Variants in CCDC197 observed in about 807,000 individuals in gnomAD.
CCDC197 encodes coiled-coil domain containing 197, also known as uncharacterized protein CCDC197.
In CCDC197, 24 loss-of-function variants were observed where a neutral mutation model predicts 13.4. The ratio of observed to expected loss-of-function variants is 1.80; its 90% CI spans 1.30 to 2.53. The LOEUF (loss-of-function observed/expected upper bound fraction) is 2.53. Among genes scored for constraint, CCDC197 ranks in the 30% most tolerant of loss-of-function variants. CCDC197 has a pLI of 0.00. For synonymous variants in CCDC197, 99 were observed against 55.5 expected (o/e 1.78, Z -3.48); for missense variants, 255 against 148.8 (o/e 1.71, Z -3.71).
At chr14:94,008,016 T>C (rs1289066063) in intron 6 of CCDC197, among the ~76,000 whole-genome samples, 2 of 152,240 alleles carry the variant, frequency 1.3e-5, no homozygotes, top group East Asian at 1.9e-4. Flanking sequence ...TTGGAACTTA[T>C]TCATATTGCA....
At chr14:94,005,022 C>T (rs981963995) in intron 6 of CCDC197, 51 bp downstream of exon 6, 1 of 688,402 alleles carries the variant, frequency 1.5e-6, no homozygotes, top group African/African-American at 1.8e-5. Context: ...AGGCAAGACT[C>T]CAACTTGAGC....
At position 93,997,390 on chromosome 14, in the gene CCDC197, C is replaced by G. The variant is rs1890350439; in HGVS notation, c.-315C>G. On this transcript the variant is annotated 5_prime_UTR_variant, in exon 1 of 7. Coordinates refer to ENST00000636493, the MANE Select transcript of CCDC197 (RefSeq NM_001351596.2). ...GACCTTGTAGCCCCTCACCTTCTCTCCCCAATGCACTGGGCTGGTTCAGCA... is the reference window on the plus strand; with the variant it reads ...GACCTTGTAGCCCCTCACCTTCTCTGCCCAATGCACTGGGCTGGTTCAGCA... 1 of 152,238 alleles carries G rather than the reference C, an allele frequency of 6.6e-6. No individual in the cohort carries two copies. 9.4% of individuals were successfully genotyped at this position (152,238 alleles called of 1,614,324 possible). A position where few individuals can be genotyped will look rare whatever the true frequency, so the allele number is the denominator to read the frequency against.
chr14:94,005,362 C>T lies in CCDC197; in HGVS notation c.615+391C>T, dbSNP rs147569809. 4.8e-3 allele frequency among the ~76,000 whole-genome samples: 738 copies of T among 152,324 alleles called. 8 individuals carry two copies. The highest frequency in any genetic ancestry group is 0.017 in the African/African-American group (687 of 41,564). Reference sequence around the variant, plus strand: ...ATAAGCACACAAACATCAACTTGCACGCACGAAGATACAAACAGGTATGAT... The same window carrying T: ...ATAAGCACACAAACATCAACTTGCATGCACGAAGATACAAACAGGTATGAT... On this transcript the variant is annotated intron_variant, in intron 6 of 6. Coordinates refer to ENST00000636493, the MANE Select transcript of CCDC197 (RefSeq NM_001351596.2).
downstream of CCDC197, among the ~76,000 whole-genome samples, chr14:94,009,238 C>T (rs977167880): frequency 6.6e-6 from 1 of 152,178 alleles, no homozygotes; most frequent in Non-Finnish European, 1.5e-5. Context: ...GTTCACCTTG[C>T]CCACAGCAGT....
downstream of CCDC197, among the ~76,000 whole-genome samples, chr14:94,010,344 C>T (rs932098055): frequency 6.6e-5 from 10 of 152,220 alleles, no homozygotes; most frequent in African/African-American, 2.4e-4. Flanking sequence ...ACTGGGACTA[C>T]AGGCGCGTGC....
chr14:93,988,980 CA>C (rs1266570401), intron 1 of CCDC197, among the ~76,000 whole-genome samples: 3 of 151,826 alleles, frequency 2.0e-5, no homozygotes, highest in Non-Finnish European at 4.4e-5. Flanking sequence ...AGCCTTAAAC[CA>C]AGCACTTCTG....
rs554081792 is a variant in CCDC197 at position 94,006,185 on chromosome 14, T to C, written c.615+1214T>C. Among the ~76,000 whole-genome samples the C allele has an allele frequency of 7.9e-5, 12 of 152,260 alleles. No individual in the cohort carries two copies. In the East Asian group the frequency reaches 1.7e-3, roughly 22 times the overall value. On this transcript the variant is annotated intron_variant, in intron 6 of 6. Coordinates refer to ENST00000636493, the MANE Select transcript of CCDC197 (RefSeq NM_001351596.2). ...ATTTGCTATTGTCAACTTTTTCTAA[T>C]TTAGCCCTCCTAATGGGTGTGAAGT...
intron 3 of CCDC197, 93 bp from the exon 4 acceptor site, chr14:94,001,052 A>G: frequency 1.6e-6 from 1 of 643,260 alleles, no homozygotes; most frequent in Non-Finnish European, 2.9e-6. Flanking sequence ...GCACCTCTCA[A>G]TTTTGTGGCC....
upstream of CCDC197, among the ~76,000 whole-genome samples, chr14:93,995,288 T>C (rs1450765406): frequency 8.5e-5 from 13 of 152,292 alleles, no homozygotes; most frequent in East Asian, 1.5e-3. Context: ...CCAGAACTTG[T>C]TGGAAGCCAG....
At chr14:94,009,354 G>A (rs1337217266), downstream of CCDC197, among the ~76,000 whole-genome samples, 2 of 152,168 alleles carry the variant, frequency 1.3e-5, no homozygotes, top group Non-Finnish European at 2.9e-5. Flanking sequence ...AGGTGTCTGA[G>A]CTGCCTGAAA....
upstream of CCDC197, among the ~76,000 whole-genome samples, chr14:93,995,991 C>T (rs1890287194): frequency 6.6e-6 from 1 of 152,214 alleles, no homozygotes. Context: ...CAAGCTGTTC[C>T]GTGCCTCCGA....
chr14:94,006,860 T>C (rs558122308), intron 6 of CCDC197, among the ~76,000 whole-genome samples: 1 of 152,336 alleles, frequency 6.6e-6, no homozygotes, highest in South Asian at 2.1e-4. Flanking sequence ...GGTCTCAGTC[T>C]ATCACCCAGG....
upstream of CCDC197, among the ~76,000 whole-genome samples, chr14:93,996,619 CACA>C (rs1229187182): frequency 1.3e-5 from 2 of 152,238 alleles, no homozygotes; most frequent in Non-Finnish European, 2.9e-5. Flanking sequence ...CTTCCCCACC[CACA>C]ACGTTCCTCC....
intron 5 of CCDC197, among the ~76,000 whole-genome samples, chr14:94,004,305 C>T (rs1469976732): frequency 1.3e-5 from 2 of 152,230 alleles, no homozygotes; most frequent in Non-Finnish European, 2.9e-5. Context: ...GCGCTGGGCA[C>T]ACCTTCCCTG....
chr14:93,988,329 G>A (rs1373096606), intron 1 of CCDC197, among the ~76,000 whole-genome samples: 3 of 112,982 alleles, frequency 2.7e-5, no homozygotes, highest in Admixed American at 2.6e-4. Flanking sequence ...GGAAGGAGGG[G>A]AAGGGAGGAG....
In CCDC197 at chr14:93,998,206, G is replaced by A. The variant is rs1890379480; in HGVS notation, c.75G>A (p.Leu25=). The A allele has an allele frequency of 1.3e-6, 1 of 780,588 alleles. No homozygotes were observed. The highest frequency in any genetic ancestry group is 2.4e-6 in the Non-Finnish European group (1 of 418,128). The allele number at this position is 780,588 out of a possible 1,614,324, so 48.4% of individuals were successfully genotyped here. Residue 25 remains leucine (L), a synonymous_variant, in exon 2 of 7, where the codon CTG becomes CTA. Transcript: ENST00000636493. ...ACAAGGAAGGGGACCTTCAAGGGCT[G>A]TGGCAGGAACTCTACCAGCTCCAGG... ...PGDKEGDLQG[L]WQELYQLQAK...
At chr14:94,000,002 C>A (rs375984258) in intron 3 of CCDC197, among the ~76,000 whole-genome samples, 255 of 152,272 alleles carry the variant, frequency 1.7e-3, no homozygotes, top group African/African-American at 5.7e-3. Context: ...TAGCTAGTAC[C>A]TGGTAAACGT....
chr14:93,992,751 G>A (rs925195431), upstream of CCDC197, among the ~76,000 whole-genome samples: 6 of 152,238 alleles, frequency 3.9e-5, no homozygotes, highest in Non-Finnish European at 8.8e-5. Context: ...GCTGGAGACA[G>A]CCTTACAGTG....
At chr14:93,998,822 A>G (rs867442757) in intron 2 of CCDC197, among the ~76,000 whole-genome samples, 1 of 152,052 alleles carries the variant, frequency 6.6e-6, no homozygotes, top group Non-Finnish European at 1.5e-5. Context: ...ACTTTTCAGA[A>G]TCATACGGAT....
Sources: allele counts gnomAD v4.1 joint callset (sites outside exome capture counted in the v4.1 genomes callset), GRCh38; gene constraint gnomAD v4.1.1; transcripts MANE v1.5; gene names NCBI Gene and HGNC (gene_info 2026-07-23, HGNC 2026-07-21).